Variants in MSANTD2 observed in about 807,000 individuals in gnomAD.
MSANTD2 encodes the protein myb/SANT-like DNA-binding domain-containing protein 2.
MSANTD2 carries 19 observed loss-of-function variants against 52.6 expected under a neutral mutation model. That is an observed-to-expected ratio of 0.36 (90% CI 0.25 to 0.53). MSANTD2 has a LOEUF of 0.53. Ranked by LOEUF, MSANTD2 falls within the 20% of genes least tolerant of loss-of-function variation. The probability of loss-of-function intolerance (pLI) is 0.91; values close to 1 mark genes in which losing one functional copy is unlikely to be tolerated. For synonymous variants in MSANTD2, 291 were observed against 289.7 expected (o/e 1.00, Z -0.04); for missense variants, 558 against 716.3 (o/e 0.78, Z 2.52).
rs1457062911 is a variant in MSANTD2, at chr11:124,770,623, C to T, written c.827+2371G>A. Among the ~76,000 whole-genome samples, 11 of 151,456 alleles carry T rather than the reference C, an allele frequency of 7.3e-5. 1 individual carries two copies. The highest frequency in any genetic ancestry group is 2.2e-4 in the African/African-American group (9 of 41,196). On this transcript the variant is annotated intron_variant, in intron 3 of 3. Coordinates refer to ENST00000374979, the MANE Select transcript of MSANTD2 (RefSeq NM_001308027.2). Reference sequence around the variant, plus strand: ...CTTGTAATAACTCACATTTTTTTTTCGAGACAGAGTCTTACTCTGTTATCC... The same window carrying T: ...CTTGTAATAACTCACATTTTTTTTTTGAGACAGAGTCTTACTCTGTTATCC...
chr11:124,768,189 T>C (rs1169728765), intron 3 of MSANTD2, among the ~76,000 whole-genome samples, 161 bp from the exon 4 acceptor site: 3 of 152,212 alleles, frequency 2.0e-5, no homozygotes, highest in African/African-American at 2.4e-5. Context: ...TATATTTAGT[T>C]TAAAATTACA....
At chr11:124,788,836 A>G (rs950968649) in intron 1 of MSANTD2, among the ~76,000 whole-genome samples, 2 of 152,240 alleles carry the variant, frequency 1.3e-5, no homozygotes, top group Non-Finnish European at 1.5e-5. Flanking sequence ...ACAATAGCAA[A>G]TGAATTTCTT....
At chr11:124,790,155 T>G (rs1365958902) in intron 1 of MSANTD2, 7 of 152,238 alleles carry the variant, frequency 4.6e-5, no homozygotes, top group African/African-American at 1.4e-4. Flanking sequence ...ACTTAACATT[T>G]GAAATACTGG....
At chr11:124,796,602 G>C (rs1945502496) in intron 1 of MSANTD2, among the ~76,000 whole-genome samples, 1 of 152,106 alleles carries the variant, frequency 6.6e-6, no homozygotes, top group Admixed American at 6.5e-5. Context: ...AAGCGCTACT[G>C]TACCCGGCTC....
chr11:124,784,029 A>G, intron 1 of MSANTD2: 1 of 985,366 alleles, frequency 1.0e-6, no homozygotes, highest in Non-Finnish European at 1.2e-6. Flanking sequence ...TCTATTTACA[A>G]GAATACAGGT....
At position 124,791,006 on chromosome 11, in the gene MSANTD2, C is replaced by T. The variant is rs78451928; in HGVS notation, c.510+8865G>A. The T allele has an allele frequency of 6.5e-4, 274 of 422,046 alleles. 1 individual carries two copies. The highest frequency in any genetic ancestry group is 2.3e-3 in the African/African-American group (115 of 49,580). 26.1% of individuals were successfully genotyped at this position (422,046 alleles called of 1,614,324 possible). ...CTTTTATTTAACTGTAGGTTATGGC[C>T]CATTAGTGGGTTGTACAATTAATTT... On this transcript the variant is annotated intron_variant, in intron 1 of 3. Coordinates refer to ENST00000374979, the MANE Select transcript of MSANTD2 (RefSeq NM_001308027.2).
intron 1 of MSANTD2, among the ~76,000 whole-genome samples, chr11:124,796,663 T>C (rs184872429): frequency 7.9e-5 from 12 of 152,344 alleles, no homozygotes; most frequent in Admixed American, 1.3e-4. Flanking sequence ...AGAAATGTAA[T>C]TGACTCACAC....
At position 124,778,585 on chromosome 11, in the gene MSANTD2, G is replaced by A. The variant is rs573493463; in HGVS notation, c.511-3611C>T. Among the ~76,000 whole-genome samples the A allele has an allele frequency of 9.2e-5, 14 of 152,232 alleles. No homozygotes were observed. The East Asian group carries it at 2.3e-3, about 25-fold the overall frequency. On this transcript the variant is annotated intron_variant, in intron 1 of 3. Transcript: ENST00000374979. Reference sequence around the variant, plus strand: ...CTAAAGCATAGGTAACAACTTGATCGGTGGTCAACCCAGAGGAGTTCATGG... The same window carrying A: ...CTAAAGCATAGGTAACAACTTGATCAGTGGTCAACCCAGAGGAGTTCATGG...
intron 1 of MSANTD2, chr11:124,791,749 C>T: frequency 1.4e-6 from 1 of 693,370 alleles, no homozygotes; most frequent in Non-Finnish European, 2.5e-6. Context: ...AAAGGGGAGC[C>T]AATGCTGACA....
chr11:124,786,497 T>A (rs1348227081), intron 1 of MSANTD2, among the ~76,000 whole-genome samples: 1 of 152,226 alleles, frequency 6.6e-6, no homozygotes, highest in African/African-American at 2.4e-5. Context: ...GCTTTTACTG[T>A]CAAAAAGTAA....
chr11:124,776,342 A>C (rs1944743657), intron 1 of MSANTD2: 1 of 152,278 alleles, frequency 6.6e-6, no homozygotes, highest in South Asian at 2.1e-4. Context: ...CTTGTTGCCC[A>C]GCCTGGAGTG....
intron 1 of MSANTD2, among the ~76,000 whole-genome samples, chr11:124,788,750 G>A (rs1346416254): frequency 6.6e-6 from 1 of 152,080 alleles, no homozygotes; most frequent in African/African-American, 2.4e-5. Flanking sequence ...CTGCTTGGTA[G>A]TACAAACCTC....
At chr11:124,782,020 T>G (rs1164310532) in intron 1 of MSANTD2, among the ~76,000 whole-genome samples, 1 of 152,216 alleles carries the variant, frequency 6.6e-6, no homozygotes. Flanking sequence ...CCTGCAGCAT[T>G]TGATACTCTT....
At chr11:124,770,337 A>T (rs1358820612) in intron 3 of MSANTD2, among the ~76,000 whole-genome samples, 2 of 147,426 alleles carry the variant, frequency 1.4e-5, no homozygotes, top group East Asian at 3.9e-4. Flanking sequence ...TGGAGACAGG[A>T]TCTTGCTCTG....
intron 1 of MSANTD2, among the ~76,000 whole-genome samples, chr11:124,787,419 C>G (rs1227679530): frequency 6.6e-6 from 1 of 152,162 alleles, no homozygotes; most frequent in African/African-American, 2.4e-5. Context: ...CTGTGTTGCC[C>G]AGGCTGGATG....
chr11:124,791,888 A>G (rs1394593594), intron 1 of MSANTD2: 1 of 398,944 alleles, frequency 2.5e-6, no homozygotes, highest in South Asian at 2.1e-5. Context: ...GCCTTCAATT[A>G]GAACAGAACA....
intron 1 of MSANTD2, among the ~76,000 whole-genome samples, chr11:124,794,493 T>TA (rs1241047539): frequency 2.6e-5 from 4 of 152,142 alleles, no homozygotes; most frequent in Admixed American, 2.0e-4. Context: ...ACTAAATATA[T>TA]AAAAAATAAC....
rs541504069 is a variant in MSANTD2 at position 124,766,854 on chromosome 11, A to C, written c.*322T>G. ...GAAACTCAAAGTATAAGTTTTGTCC[A>C]ATATGGAATGTACCTACATTTGTTT... On this transcript the variant is annotated 3_prime_UTR_variant, in exon 4 of 4. Transcript: ENST00000374979. 9 of 210,902 alleles carry C rather than the reference A, an allele frequency of 4.3e-5. 1 individual carries two copies. In the South Asian group the frequency reaches 1.5e-3, roughly 35 times the overall value. 13.1% of individuals were successfully genotyped at this position (210,902 alleles called of 1,614,324 possible).
At chr11:124,781,904 T>C (rs1944989393) in intron 1 of MSANTD2, among the ~76,000 whole-genome samples, 1 of 152,138 alleles carries the variant, frequency 6.6e-6, no homozygotes, top group Non-Finnish European at 1.5e-5. Flanking sequence ...CTGCCTGCCT[T>C]GGCCTCCCAA....
Sources: gnomAD v4.1 joint callset for allele counts (sites outside exome capture counted in the v4.1 genomes callset) on GRCh38, gnomAD v4.1.1 for gene constraint, MANE v1.5 for transcripts, NCBI Gene and HGNC (gene_info 2026-07-23, HGNC 2026-07-21) for gene names.